Variants in ADGRL3 observed in about 807,000 individuals in gnomAD.
ADGRL3 encodes calcium-independent alpha-latrotoxin receptor 3.
ADGRL3 carries 62 observed loss-of-function variants against 153.5 expected under a neutral mutation model. The observed-to-expected ratio is 0.40, with a 90% CI of 0.33 to 0.50. The LOEUF is 0.50. Ranked by LOEUF, ADGRL3 falls within the 20% of genes least tolerant of loss-of-function variation. ADGRL3 has a pLI of 0.47. For missense variants in ADGRL3, 1,641 were observed against 1,859.4 expected, an observed-to-expected ratio of 0.88 and a Z score of 2.16; for synonymous variants, 710 against 672.5, an observed-to-expected ratio of 1.06 and a Z score of -0.86.
At chr4:61,749,297 T>A (rs1419039168) in intron 8 of ADGRL3, among the ~76,000 whole-genome samples, 13 of 151,898 alleles carry the variant, frequency 8.6e-5, no homozygotes, top group Non-Finnish European at 1.8e-4. Context: ...TGGAAGTCAG[T>A]GTGGCGATTC....
intron 8 of ADGRL3, among the ~76,000 whole-genome samples, chr4:61,780,978 A>C (rs182418313): frequency 2.6e-5 from 4 of 152,338 alleles, no homozygotes; most frequent in Admixed American, 2.6e-4. Context: ...ATATTCTAAT[A>C]TGGTTAAAAG....
At chr4:61,811,097 A>G (rs995450504) in intron 8 of ADGRL3, among the ~76,000 whole-genome samples, 4 of 152,124 alleles carry the variant, frequency 2.6e-5, no homozygotes, top group African/African-American at 9.6e-5. Context: ...TTAAAAGTTT[A>G]CCCATAACAT....
At chr4:62,028,024 G>C (rs914212958) in intron 21 of ADGRL3, among the ~76,000 whole-genome samples, 1 of 151,768 alleles carries the variant, frequency 6.6e-6, no homozygotes, top group East Asian at 1.9e-4. Context: ...GTTGCAGCCT[G>C]TCTAGGAGCT....
intron 3 of ADGRL3, among the ~76,000 whole-genome samples, chr4:61,516,256 G>C (rs749953583): frequency 6.6e-6 from 1 of 152,034 alleles, no homozygotes; most frequent in Non-Finnish European, 1.5e-5. Context: ...GTGTTAGCAA[G>C]ATGATCATAA....
chr4:61,468,121 A>G (rs1267623091), intron 2 of ADGRL3, among the ~76,000 whole-genome samples: 5 of 152,314 alleles, frequency 3.3e-5, no homozygotes, highest in South Asian at 4.1e-4. Flanking sequence ...GGAATTAAAC[A>G]TAAAAGGAAA....
rs2098503175 is a variant in ADGRL3, at chr4:61,517,389, C to G, written c.130C>G (p.Leu44Val). ...CGCTGAGCGCAGCCCAGGAGGCGCT[C>G]TTCCACCCAGACATCTGCTTCAGCA... is the stretch of plus-strand genomic sequence containing the variant. ...RHAERSPGGALPPRHLLQQPA... is the reference protein window; with the variant it reads ...RHAERSPGGAVPPRHLLQQPA... The change falls in exon 4 of 27, where the codon CTT becomes GTT. Residue 44 changes from leucine to valine, a missense_variant. Around this residue, in one of 5 missense-constraint regions of ADGRL3, gnomAD observed 145 missense variants for 79.1 expected, o/e 1.83. Transcript: ENST00000683033. 2 of 718,878 alleles carry G rather than the reference C, an allele frequency of 2.8e-6. No individual in the cohort carries two copies. Among genetic ancestry groups the G allele is most frequent in the African/African-American group, 1.7e-5 (1 of 57,678 alleles). The allele number at this position is 718,878 out of a possible 1,614,324, so 44.5% of individuals were successfully genotyped here.
chr4:61,377,633 A>G (rs2096619512), intron 1 of ADGRL3, among the ~76,000 whole-genome samples: 1 of 152,054 alleles, frequency 6.6e-6, no homozygotes, highest in South Asian at 2.1e-4. Flanking sequence ...GTGAGATTTT[A>G]AATAATTAGT....
At chr4:61,447,616 C>T (rs543930406) in intron 2 of ADGRL3, among the ~76,000 whole-genome samples, 4 of 152,270 alleles carry the variant, frequency 2.6e-5, no homozygotes, top group Admixed American at 2.0e-4. Flanking sequence ...AGAAAGGATA[C>T]AGCTGCTTTT....
intron 2 of ADGRL3, among the ~76,000 whole-genome samples, chr4:61,479,879 T>G (rs534167600): frequency 5.6e-4 from 85 of 152,306 alleles, no homozygotes; most frequent in African/African-American, 1.8e-3. Flanking sequence ...TTAAGCTTCT[T>G]TAAATTATAA....
chr4:61,816,199 T>C (rs367610832), intron 9 of ADGRL3, among the ~76,000 whole-genome samples: 1 of 152,212 alleles, frequency 6.6e-6, no homozygotes, highest in Non-Finnish European at 1.5e-5. Flanking sequence ...TTTAGGGTCA[T>C]GGATAAGACA....
chr4:61,228,197 T>C (rs1437827070), intron 1 of ADGRL3, among the ~76,000 whole-genome samples: 3 of 152,088 alleles, frequency 2.0e-5, no homozygotes, highest in African/African-American at 4.8e-5. Flanking sequence ...TAAAAAGTAA[T>C]GACAGAATTT....
At chr4:61,389,618 T>A (rs1336510245) in intron 2 of ADGRL3, among the ~76,000 whole-genome samples, 2 of 152,030 alleles carry the variant, frequency 1.3e-5, no homozygotes, top group African/African-American at 4.8e-5. Flanking sequence ...TAAAAAGAAG[T>A]TTTGGTTTGC....
At chr4:61,337,807 A>T (rs956683102) in intron 1 of ADGRL3, among the ~76,000 whole-genome samples, 2 of 152,036 alleles carry the variant, frequency 1.3e-5, no homozygotes, top group Admixed American at 1.3e-4. Context: ...TATTTATATT[A>T]TTGTGTCTCT....
intron 21 of ADGRL3, among the ~76,000 whole-genome samples, chr4:62,002,424 T>C (rs2099143670): frequency 6.6e-6 from 1 of 151,408 alleles, no homozygotes; most frequent in Admixed American, 6.6e-5. Context: ...TTAATTAAAT[T>C]ATTATTTTAT....
intron 1 of ADGRL3, among the ~76,000 whole-genome samples, chr4:61,270,262 T>A (rs1424886034): frequency 1.3e-5 from 2 of 151,698 alleles, no homozygotes; most frequent in African/African-American, 4.8e-5. Flanking sequence ...AATTGTAGGC[T>A]CTGTAAGTGC....
chr4:61,737,192 T>C (rs540571978), intron 8 of ADGRL3, among the ~76,000 whole-genome samples: 1 of 152,260 alleles, frequency 6.6e-6, no homozygotes, highest in East Asian at 1.9e-4. Context: ...AGTCAAAAAC[T>C]AATCCTAAAT....
chr4:61,894,538 ATAATAGCCCCT>A (rs1404963254), intron 10 of ADGRL3, among the ~76,000 whole-genome samples: 1 of 152,190 alleles, frequency 6.6e-6, no homozygotes, highest in Non-Finnish European at 1.5e-5. Flanking sequence ...AAGAAAAATA[ATAATAGCCCCT>A]TACTGCAGAC....
intron 1 of ADGRL3, among the ~76,000 whole-genome samples, chr4:61,296,672 G>A (rs921605758): frequency 1.3e-5 from 2 of 151,924 alleles, no homozygotes; most frequent in Non-Finnish European, 2.9e-5. Flanking sequence ...AATAGCAAAA[G>A]GCTTTACCTG....
chr4:61,295,804 T>TAA (rs56672796), intron 1 of ADGRL3, among the ~76,000 whole-genome samples: 29 of 140,882 alleles, frequency 2.1e-4, no homozygotes, highest in African/African-American at 5.5e-4. Flanking sequence ...TACACAGATT[T>TAA]AAAAAAAAAA....
Sources: gnomAD v4.1 joint callset for allele counts (sites outside exome capture counted in the v4.1 genomes callset) on GRCh38, gnomAD v4.1.1 for gene constraint, gnomAD v4.1.1 regional missense constraint, MANE v1.5 for transcripts, NCBI Gene and HGNC (gene_info 2026-07-23, HGNC 2026-07-21) for gene names.